Variants in MYH11 observed in about 807,000 individuals in gnomAD.
MYH11 encodes the protein myosin heavy chain 11.
In MYH11, 80 loss-of-function variants were observed where a neutral mutation model predicts 246.6. The ratio of observed to expected loss-of-function variants is 0.32; its 90% CI spans 0.27 to 0.39. The LOEUF (loss-of-function observed/expected upper bound fraction) is 0.39. MYH11 is among the 10% of genes least tolerant of loss of function. The probability of loss-of-function intolerance (pLI) is 1.00; values close to 1 mark genes in which losing one functional copy is unlikely to be tolerated. For synonymous variants in MYH11, 1,071 were observed against 1,015.5 expected (o/e 1.05, Z -1.04); for missense variants, 2,158 against 2,546.8 (o/e 0.85, Z 3.29).
intron 1 of MYH11, among the ~76,000 whole-genome samples, chr16:15,838,607 C>T (rs986914423): frequency 1.3e-5 from 2 of 152,156 alleles, no homozygotes; most frequent in East Asian, 3.9e-4. Flanking sequence ...CACCTGTAAA[C>T]CCAACACTGT....
At chr16:15,708,121 G>C (rs149470922) in intron 40 of MYH11, among the ~76,000 whole-genome samples, 32 of 152,292 alleles carry the variant, frequency 2.1e-4, no homozygotes, top group Non-Finnish European at 2.8e-4. Flanking sequence ...TGCCAGGACT[G>C]TGCTTGGCTT....
At chr16:15,830,311 C>T (rs566896551) in intron 2 of MYH11, among the ~76,000 whole-genome samples, 14 of 152,268 alleles carry the variant, frequency 9.2e-5, no homozygotes, top group South Asian at 8.3e-4. Flanking sequence ...TAGAGACAGA[C>T]GTGGTCCACC....
intron 5 of MYH11, chr16:15,784,702 G>A (rs2042428597): frequency 6.2e-7 from 1 of 1,613,804 alleles, no homozygotes; most frequent in Non-Finnish European, 8.5e-7. Flanking sequence ...ACTCACGTAG[G>A]CAAAAGATGG....
rs183326695 is a variant in MYH11 at position 15,838,347 on chromosome 16, T to C, written c.-17-78A>G. On this transcript the variant is annotated intron_variant, in intron 1 of 40. Transcript: ENST00000300036. ...CAGACCAACCACTCACCTTGCCCTG[T>C]CTAGGAACTCGGTCTGCAGAGACAT... 2.5e-5 allele frequency: 29 copies of C among 1,155,590 alleles called. 1 individual carries two copies. In the African/African-American group the frequency reaches 4.2e-4, roughly 17 times the overall value. 71.6% of individuals were successfully genotyped at this position (1,155,590 alleles called of 1,614,324 possible).
In MYH11 at chr16:15,750,311, C is replaced by T; in HGVS notation, c.1885G>A (p.Asp629Asn). 6.2e-7 allele frequency: 1 copy of T among 1,609,932 alleles called. No homozygotes were observed. Among genetic ancestry groups the T allele is most frequent in the Non-Finnish European group, 8.5e-7 (1 of 1,178,520 alleles). The change falls in exon 16 of 41, where the codon GAC becomes AAC. Residue 629 changes from aspartate to asparagine, a missense_variant. Physicochemically the swap from Asp to Asn is conservative, Grantham distance 23. Transcript: ENST00000300036. This position sits in a 1 kb window ranked among gnomAD's most constrained non-coding sequence, Gnocchi z 4.3. ...WKDVDRIVGL[D>N]QMAKMTESSL... ...CTCTCCGTCATCTTGGCCATCTGGT[C>T]CAGGCCCACGATGCGGTCCACTATG...
chr16:15,762,626 CT>C (rs1337989598), intron 10 of MYH11, among the ~76,000 whole-genome samples: 1 of 152,154 alleles, frequency 6.6e-6, no homozygotes, highest in Non-Finnish European at 1.5e-5. Flanking sequence ...GTAATTTCAT[CT>C]CTGACCCAAC....
chr16:15,835,986 G>C (rs959713689), intron 2 of MYH11, among the ~76,000 whole-genome samples: 1 of 152,134 alleles, frequency 6.6e-6, no homozygotes, highest in Admixed American at 6.6e-5. Flanking sequence ...CTGGGCTCAA[G>C]TGAGCCACCT....
intron 9 of MYH11, among the ~76,000 whole-genome samples, chr16:15,767,475 G>A (rs1450336329): frequency 6.6e-6 from 1 of 151,994 alleles, no homozygotes; most frequent in East Asian, 1.9e-4. Context: ...TAATTTGGGG[G>A]GTTACATTTA....
At chr16:15,745,972 A>T (rs890158193) in intron 19 of MYH11, among the ~76,000 whole-genome samples, 3 of 151,694 alleles carry the variant, frequency 2.0e-5, no homozygotes, top group Non-Finnish European at 2.9e-5. Context: ...GCTGGAGTGC[A>T]GTGGTGTGAT....
chr16:15,741,336 C>T, intron 22 of MYH11, 127 bp downstream of exon 22: 1 of 1,090,200 alleles, frequency 9.2e-7, no homozygotes, highest in Non-Finnish European at 1.4e-6. Context: ...GATGACCAAC[C>T]CTCTCCAAGC....
chr16:15,854,716 T>A (rs2044417931), intron 1 of MYH11, among the ~76,000 whole-genome samples: 1 of 152,182 alleles, frequency 6.6e-6, no homozygotes, highest in Admixed American at 6.5e-5. Context: ...AATATTGAAC[T>A]TGGTTTTCAA....
intron 8 of MYH11, among the ~76,000 whole-genome samples, chr16:15,774,835 C>T (rs898775837): frequency 3.9e-5 from 6 of 152,186 alleles, no homozygotes; most frequent in Non-Finnish European, 8.8e-5. Flanking sequence ...GTAATCCGCC[C>T]GCCTCTGCCT....
intron 4 of MYH11, among the ~76,000 whole-genome samples, chr16:15,788,720 C>T (rs1410601954): frequency 2.0e-5 from 3 of 151,936 alleles, no homozygotes; most frequent in Non-Finnish European, 4.4e-5. Flanking sequence ...TTCACATGGC[C>T]TCAGAGGCAG....
At position 15,843,536 on chromosome 16, in the gene MYH11, A is replaced by AT. The variant is rs2044109631; in HGVS notation, c.-17-5268_-17-5267insA. On this transcript the variant is annotated intron_variant, in intron 1 of 40. Transcript: ENST00000300036. Reference sequence around the variant, plus strand: ...AAACCCTGTCTCTACTAAAAAAAAAAAAAAAAATTAGCCGGGCGTGGTGGC... The same window carrying AT: ...AAACCCTGTCTCTACTAAAAAAAAAATAAAAAAATTAGCCGGGCGTGGTGGC... Among the ~76,000 whole-genome samples, 3 of 151,378 alleles carry AT rather than the reference A, an allele frequency of 2.0e-5. No individual in the cohort carries two copies. In the South Asian group the frequency reaches 6.3e-4, roughly 32 times the overall value.
chr16:15,735,940 A>T, intron 25 of MYH11, among the ~76,000 whole-genome samples: 1 of 152,214 alleles, frequency 6.6e-6, no homozygotes, highest in East Asian at 1.9e-4. Flanking sequence ...CTTCCCTGGC[A>T]ACTGTCTGTT....
chr16:15,718,552 G>A, intron 36 of MYH11, 114 bp from the exon 37 acceptor site: 1 of 1,413,962 alleles, frequency 7.1e-7, no homozygotes, highest in South Asian at 1.4e-5. Context: ...GGGTGAAACT[G>A]AGGCTTGGAG....
At chr16:15,755,599 G>T (rs1408956662) in intron 14 of MYH11, among the ~76,000 whole-genome samples, 1 of 152,030 alleles carries the variant, frequency 6.6e-6, no homozygotes, top group Non-Finnish European at 1.5e-5. Flanking sequence ...GACCAGCCTG[G>T]GCAACACAGC....
At position 15,721,521 on chromosome 16, in the gene MYH11, TTCAAGGGCCCGAGCCAGGG is replaced by T; in HGVS notation, c.4460_4478del (p.Ser1487Ter). ...GTTCCTCTTTGGCTTCCAAGGCCTC[TTCAAGGGCCCGAGCCAGGG>T]ACAGGGCCTTGGTTTCCTTCTCCCT... On this transcript the variant is annotated frameshift_variant, in exon 32 of 41. Transcript: ENST00000300036. LOFTEE classifies it high-confidence loss of function. 3 of 1,614,226 alleles carry T rather than the reference TTCAAGGGCCCGAGCCAGGG, an allele frequency of 1.9e-6. No individual in the cohort carries two copies. Among genetic ancestry groups the T allele is most frequent in the Non-Finnish European group, 2.5e-6 (3 of 1,180,046 alleles).
chr16:15,779,234 A>G (rs1395612969), intron 6 of MYH11: 2 of 345,820 alleles, frequency 5.8e-6, no homozygotes, highest in Non-Finnish European at 1.1e-5. Flanking sequence ...GGCTCAAGCA[A>G]TCCCCTTTTC....
Sources: gnomAD v4.1 joint callset for allele counts (sites outside exome capture counted in the v4.1 genomes callset) on GRCh38, gnomAD v4.1.1 for gene constraint, Gnocchi (gnomAD v3.1) non-coding constraint, MANE v1.5 for transcripts, NCBI Gene and HGNC (gene_info 2026-07-23, HGNC 2026-07-21) for gene names.